PCDH15: variants seen among roughly 807,000 people sequenced by gnomAD.
PCDH15 encodes the protein protocadherin related 15.
Under a neutral mutation model 178.5 loss-of-function variants are expected in PCDH15, and 129 were observed. The ratio of observed to expected loss-of-function variants is 0.72; its 90% CI spans 0.63 to 0.84. The LOEUF (loss-of-function observed/expected upper bound fraction) is 0.84, where lower values mean the gene tolerates loss of function less well. Ranked by LOEUF, PCDH15 falls within the 40% of genes least tolerant of loss-of-function variation. PCDH15 has a pLI of 0.00. For missense variants in PCDH15, 2,230 were observed against 2,099.9 expected (o/e 1.06, Z -1.21); for synonymous variants, 800 against 732.0 (o/e 1.09, Z -1.50).
chr10:54,815,491 G>A (rs1263350193), intron 3 of PCDH15, among the ~76,000 whole-genome samples: 1 of 152,116 alleles, frequency 6.6e-6, no homozygotes, highest in Non-Finnish European at 1.5e-5. Context: ...GAGCTCAAGT[G>A]TTGTGAGTAT....
chr10:54,227,694 C>T (rs2053602421), intron 9 of PCDH15, among the ~76,000 whole-genome samples: 1 of 152,180 alleles, frequency 6.6e-6, no homozygotes, highest in Admixed American at 6.5e-5. Flanking sequence ...ATATTCTGAA[C>T]TTTTATGCTC....
intron 3 of PCDH15, among the ~76,000 whole-genome samples, chr10:54,516,570 A>T (rs1404812036): frequency 6.6e-6 from 1 of 152,208 alleles, no homozygotes; most frequent in Non-Finnish European, 1.5e-5. Flanking sequence ...TGAAAAGACC[A>T]AATCTACGTC....
intron 28 of PCDH15, among the ~76,000 whole-genome samples, chr10:53,844,973 A>T (rs887728784): frequency 2.0e-5 from 3 of 152,024 alleles, no homozygotes; most frequent in African/African-American, 7.2e-5. Flanking sequence ...TTTGCAAACT[A>T]TCCAATCAAC....
chr10:54,477,211 G>T (rs77137582), intron 3 of PCDH15, among the ~76,000 whole-genome samples: 8,574 of 152,126 alleles, frequency 0.056, 266 homozygotes, highest in East Asian at 0.11. Flanking sequence ...GCAAAAATCT[G>T]AAATTTTCTC....
At chr10:54,999,203 T>C (rs1161851075) in intron 2 of PCDH15, among the ~76,000 whole-genome samples, 1 of 152,178 alleles carries the variant, frequency 6.6e-6, no homozygotes. Flanking sequence ...CCTCCCAAAA[T>C]TGATAGGACA....
intron 1 of PCDH15, among the ~76,000 whole-genome samples, chr10:55,250,183 G>A (rs1015832198): frequency 3.3e-5 from 5 of 151,960 alleles, no homozygotes; most frequent in African/African-American, 1.2e-4. Context: ...GGAGCCTGGA[G>A]TGCAGGCTGG....
intron 1 of PCDH15, among the ~76,000 whole-genome samples, chr10:55,203,719 G>A (rs928027184): frequency 6.6e-6 from 1 of 152,024 alleles, no homozygotes; most frequent in Non-Finnish European, 1.5e-5. Flanking sequence ...AAGTAGATTG[G>A]ACATTTCCAA....
chr10:55,157,968 A>T lies in PCDH15; in HGVS notation c.-80+8608T>A, dbSNP rs889724858. Among the ~76,000 whole-genome samples, 57 of 123,288 alleles carry T rather than the reference A, an allele frequency of 4.6e-4. 1 individual carries two copies. Among genetic ancestry groups the T allele is most frequent in the African/African-American group, 1.4e-3 (40 of 28,412 alleles). 80.9% of individuals were successfully genotyped at this position (123,288 alleles called of 152,430 possible). ...TTAAAGGATAATTTAAAAAATAAAT[A>T]AATTAACATAAATACATAAATATTG... is the stretch of plus-strand genomic sequence containing the variant. On this transcript the variant is annotated intron_variant, in intron 2 of 5. Coordinates refer to the PCDH15 transcript ENST00000458638.
chr10:55,280,269 CT>C (rs1007536850), intron 1 of PCDH15, among the ~76,000 whole-genome samples: 1,645 of 65,966 alleles, frequency 0.025, 4 homozygotes, highest in African/African-American at 0.078. Context: ...TATTTTGATT[CT>C]TTTTTTTTTT....
chr10:53,849,722 G>C (rs143811300), intron 28 of PCDH15, among the ~76,000 whole-genome samples: 1 of 151,458 alleles, frequency 6.6e-6, no homozygotes, highest in Non-Finnish European at 1.5e-5. Context: ...AAATTAGCCG[G>C]GCATGGTGGC....
intron 3 of PCDH15, among the ~76,000 whole-genome samples, chr10:54,510,215 GGTAAA>G (rs1436568580): frequency 6.6e-6 from 1 of 152,110 alleles, no homozygotes. Context: ...AGAAGTTAGT[GGTAAA>G]GCCAAACCCT....
At chr10:54,836,404 T>G (rs1316837301) in intron 3 of PCDH15, among the ~76,000 whole-genome samples, 2 of 152,100 alleles carry the variant, frequency 1.3e-5, no homozygotes, top group Non-Finnish European at 2.9e-5. Flanking sequence ...CCCACACTCA[T>G]AGCTGTACAG....
At chr10:53,909,114 A>T (rs980154301) in intron 25 of PCDH15, among the ~76,000 whole-genome samples, 1 of 152,158 alleles carries the variant, frequency 6.6e-6, no homozygotes, top group Non-Finnish European at 1.5e-5. Context: ...TGATCAGATC[A>T]TGGGGGCAGT....
intron 13 of PCDH15, among the ~76,000 whole-genome samples, chr10:54,174,513 C>A (rs548751832): frequency 1.3e-5 from 2 of 149,514 alleles, no homozygotes; most frequent in African/African-American, 4.9e-5. Context: ...CCAACCTGGG[C>A]GACAGAGCAA....
intron 2 of PCDH15, among the ~76,000 whole-genome samples, chr10:55,432,974 A>C (rs1048828548): frequency 6.6e-6 from 1 of 151,912 alleles, no homozygotes; most frequent in African/African-American, 2.4e-5. Context: ...CAGTGAGCCA[A>C]GATCGCGCCA....
At chr10:54,116,698 T>C (rs2095119202) in intron 15 of PCDH15, among the ~76,000 whole-genome samples, 1 of 152,182 alleles carries the variant, frequency 6.6e-6, no homozygotes, top group Non-Finnish European at 1.5e-5. Context: ...TCCTAAGTGC[T>C]AGTGAGGTCC....
chr10:54,462,158 T>A (rs1301429918), intron 3 of PCDH15, among the ~76,000 whole-genome samples: 1 of 152,160 alleles, frequency 6.6e-6, no homozygotes, highest in African/African-American at 2.4e-5. Context: ...TTTCAGAATC[T>A]GAGAAGTGTT....
At chr10:54,193,995 T>C (rs1401988263) in intron 11 of PCDH15, among the ~76,000 whole-genome samples, 2 of 148,072 alleles carry the variant, frequency 1.4e-5, no homozygotes, top group African/African-American at 2.5e-5. Context: ...TACTGAGAAC[T>C]CAATGACAGA....
At chr10:55,440,935 C>T (rs1839170193) in intron 2 of PCDH15, among the ~76,000 whole-genome samples, 1 of 152,108 alleles carries the variant, frequency 6.6e-6, no homozygotes, top group Non-Finnish European at 1.5e-5. Flanking sequence ...TCTGATGAGA[C>T]TTATTGGCTA....
Sources: gnomAD v4.1 joint callset for allele counts (sites outside exome capture counted in the v4.1 genomes callset) on GRCh38, gnomAD v4.1.1 for gene constraint, MANE v1.5 for transcripts, NCBI Gene and HGNC (gene_info 2026-07-23, HGNC 2026-07-21) for gene names.